ROBO2: variants seen among roughly 807,000 people sequenced by gnomAD.
The protein encoded by ROBO2 is roundabout homolog 2.
Under a neutral mutation model 160.8 loss-of-function variants are expected in ROBO2, and 53 were observed. That is an observed-to-expected ratio of 0.33 (90% CI 0.26 to 0.41). The LOEUF is 0.41. Among genes scored for constraint, ROBO2 ranks in the 10% least tolerant of loss-of-function variants. The pLI is 1.00. For synonymous variants in ROBO2, 664 were observed against 611.7 expected, an observed-to-expected ratio of 1.09 and a Z score of -1.26; for missense variants, 1,577 against 1,722.4, an observed-to-expected ratio of 0.92 and a Z score of 1.49.
chr3:76,778,250 T>G (rs2062406583), intron 2 of ROBO2, among the ~76,000 whole-genome samples: 1 of 151,138 alleles, frequency 6.6e-6, no homozygotes. Flanking sequence ...TGGTAGTCAT[T>G]AATGCTATTT....
chr3:76,232,692 C>T (rs1293667437), intron 2 of ROBO2, among the ~76,000 whole-genome samples: 2 of 152,148 alleles, frequency 1.3e-5, no homozygotes, highest in Non-Finnish European at 2.9e-5. Flanking sequence ...TATATCAATG[C>T]TATTTAACCC....
chr3:77,581,399 A>C (rs1404403673), intron 16 of ROBO2, among the ~76,000 whole-genome samples: 2 of 152,128 alleles, frequency 1.3e-5, no homozygotes, highest in African/African-American at 2.4e-5. Context: ...GATACTGAGG[A>C]TATTTTCTTC....
chr3:76,753,708 T>G (rs1162975316), intron 2 of ROBO2, among the ~76,000 whole-genome samples: 1 of 151,778 alleles, frequency 6.6e-6, no homozygotes, highest in Non-Finnish European at 1.5e-5. Flanking sequence ...GACAGAACGC[T>G]CCAATATTTT....
chr3:77,636,391 A>G (rs1386966193), intron 24 of ROBO2, among the ~76,000 whole-genome samples: 1 of 152,036 alleles, frequency 6.6e-6, no homozygotes, highest in Non-Finnish European at 1.5e-5. Flanking sequence ...CAGAAGATCA[A>G]AACCATCCTG....
At chr3:77,070,684 T>C (rs886364364) in intron 1 of ROBO2, among the ~76,000 whole-genome samples, 1 of 152,090 alleles carries the variant, frequency 6.6e-6, no homozygotes, top group Non-Finnish European at 1.5e-5. Flanking sequence ...TGGAATGGGA[T>C]AGATAGGGTA....
intron 2 of ROBO2, among the ~76,000 whole-genome samples, chr3:75,944,258 GTA>G (rs768311439): frequency 6.5e-4 from 99 of 152,130 alleles, no homozygotes; most frequent in Non-Finnish European, 1.2e-3. Context: ...TACAACTAAA[GTA>G]CGAGAGCCTG....
chr3:75,917,330 T>C (rs1946854186), intron 1 of ROBO2, among the ~76,000 whole-genome samples: 1 of 152,116 alleles, frequency 6.6e-6, no homozygotes. Flanking sequence ...AGGATGATGG[T>C]TCCAGCTTCA....
intron 2 of ROBO2, among the ~76,000 whole-genome samples, chr3:77,336,451 C>T (rs1183265493): frequency 6.6e-6 from 1 of 151,850 alleles, no homozygotes; most frequent in Non-Finnish European, 1.5e-5. Flanking sequence ...TTCCTTTTTT[C>T]TCCTCCTCCT....
intron 2 of ROBO2, among the ~76,000 whole-genome samples, chr3:76,568,261 T>C (rs976399306): frequency 6.6e-6 from 1 of 152,070 alleles, no homozygotes; most frequent in Non-Finnish European, 1.5e-5. Flanking sequence ...TTTTTAGGAA[T>C]ATGAAATAAT....
chr3:77,619,847 G>A (rs988777496), intron 22 of ROBO2, among the ~76,000 whole-genome samples: 3 of 152,082 alleles, frequency 2.0e-5, no homozygotes, highest in Admixed American at 6.5e-5. Flanking sequence ...CTCTTGGGTC[G>A]AGGTTCAATT....
At chr3:76,194,144 ATTTT>A (rs1702135029) in intron 2 of ROBO2, among the ~76,000 whole-genome samples, 1 of 151,732 alleles carries the variant, frequency 6.6e-6, no homozygotes, top group South Asian at 2.1e-4. Flanking sequence ...TTCTACATTT[ATTTT>A]AATATTAATT....
intron 2 of ROBO2, among the ~76,000 whole-genome samples, chr3:76,936,290 T>G (rs1382540206): frequency 2.0e-5 from 3 of 152,194 alleles, no homozygotes; most frequent in Admixed American, 6.5e-5. Context: ...TCCAATAATG[T>G]GAAGATCTAT....
intron 2 of ROBO2, among the ~76,000 whole-genome samples, chr3:76,559,708 G>A (rs1031773772): frequency 1.7e-4 from 26 of 152,140 alleles, no homozygotes; most frequent in African/African-American, 6.3e-4. Flanking sequence ...TTTGGCTCCT[G>A]AGATTTGCTT....
At chr3:77,095,425 T>C (rs1339091215) in intron 1 of ROBO2, among the ~76,000 whole-genome samples, 1 of 152,076 alleles carries the variant, frequency 6.6e-6, no homozygotes, top group Non-Finnish European at 1.5e-5. Flanking sequence ...TCAGGTCTTA[T>C]TCAGCCCTTA....
At chr3:76,363,614 T>C (rs1178537215) in intron 2 of ROBO2, among the ~76,000 whole-genome samples, 1 of 152,058 alleles carries the variant, frequency 6.6e-6, no homozygotes, top group Admixed American at 6.6e-5. Context: ...GATCCTTCTC[T>C]TATGCTTGGT....
chr3:75,919,023 T>A (rs958673913), intron 1 of ROBO2, among the ~76,000 whole-genome samples: 1 of 152,040 alleles, frequency 6.6e-6, no homozygotes, highest in Admixed American at 6.6e-5. Flanking sequence ...TTTGCATACC[T>A]TTTATTTCTT....
intron 2 of ROBO2, among the ~76,000 whole-genome samples, chr3:76,066,214 A>G (rs1021214996): frequency 6.6e-6 from 1 of 152,170 alleles, no homozygotes; most frequent in East Asian, 1.9e-4. Flanking sequence ...AATAAATAGC[A>G]TGACATGCTA....
At position 77,642,056 on chromosome 3, in the gene ROBO2, A is replaced by G. The variant is rs544383539; in HGVS notation, c.3935-2648A>G. Among the ~76,000 whole-genome samples the G allele has an allele frequency of 2.2e-4, 34 of 152,310 alleles. No individual in the cohort carries two copies. In the South Asian group the frequency reaches 6.2e-3, roughly 28 times the overall value. ...TTAATACATCGGAAGATTGTAATAT[A>G]TTAGTTGTAACTCATTAGCTAACTC... is the stretch of plus-strand genomic sequence containing the variant. On this transcript the variant is annotated intron_variant, in intron 24 of 25. Coordinates refer to ENST00000461745, the Ensembl canonical transcript of ROBO2.
intron 2 of ROBO2, among the ~76,000 whole-genome samples, chr3:76,702,453 A>G (rs1226506341): frequency 6.6e-6 from 1 of 152,038 alleles, no homozygotes; most frequent in Non-Finnish European, 1.5e-5. Flanking sequence ...TACAAAACAA[A>G]CAAACAAACA....
Sources: gnomAD v4.1 joint callset for allele counts (sites outside exome capture counted in the v4.1 genomes callset) on GRCh38, gnomAD v4.1.1 for gene constraint, MANE v1.5 for transcripts, NCBI Gene and HGNC (gene_info 2026-07-23, HGNC 2026-07-21) for gene names.